Variants in ULK1 observed in about 807,000 individuals in gnomAD.
ULK1 encodes unc-51 like autophagy activating kinase 1, also known as serine/threonine-protein kinase ULK1.
In ULK1, 48 loss-of-function variants were observed where a neutral mutation model predicts 117.5. The ratio of observed to expected loss-of-function variants is 0.41; its 90% CI spans 0.32 to 0.52. The LOEUF (loss-of-function observed/expected upper bound fraction) is 0.52, where lower values mean the gene tolerates loss of function less well. Among genes scored for constraint, ULK1 ranks in the 20% least tolerant of loss-of-function variants. The probability of loss-of-function intolerance (pLI) is 0.29; values close to 1 mark genes in which losing one functional copy is unlikely to be tolerated. For synonymous variants in ULK1, 790 were observed against 637.8 expected (o/e 1.24, Z -3.60); for missense variants, 1,387 against 1,473.4 (o/e 0.94, Z 0.96).
intron 26 of ULK1, chr12:131,920,419 G>C (rs977101689): frequency 2.4e-6 from 1 of 410,134 alleles, no homozygotes; most frequent in Non-Finnish European, 4.5e-6. Context: ...TTCAGGCCTC[G>C]TAGTCAGGTG....
chr12:131,912,880 G>A (rs746929854), intron 13 of ULK1, among the ~76,000 whole-genome samples: 3 of 152,196 alleles, frequency 2.0e-5, no homozygotes, highest in Non-Finnish European at 4.4e-5. Flanking sequence ...GACCTCCCCC[G>A]CCCATCCTGG....
At chr12:131,916,912 G>C (rs754017068) in intron 20 of ULK1, 41 bp from the exon 21 acceptor site, 4 of 1,556,732 alleles carry the variant, frequency 2.6e-6, no homozygotes, top group Non-Finnish European at 3.5e-6. Context: ...GTTAGGGTGG[G>C]GTGGGCCGGG....
At position 131,915,783 on chromosome 12, in the gene ULK1, AGT is replaced by A; in HGVS notation, c.1610-106_1610-105del. On this transcript the variant is annotated intron_variant, in intron 18 of 27. Transcript: ENST00000321867. Reference sequence around the variant, plus strand: ...GACCCCGTCTCAACAAAAGAAAAAGAGTGGGGCCTTGGAGTGCGTCTACCCCA... The same window carrying A: ...GACCCCGTCTCAACAAAAGAAAAAGAGGGGCCTTGGAGTGCGTCTACCCCA... The A allele has an allele frequency of 2.7e-6, 4 of 1,455,072 alleles. No homozygotes were observed. The South Asian group carries it at 3.6e-5, about 13-fold the overall frequency. 90.1% of individuals were successfully genotyped at this position (1,455,072 alleles called of 1,614,324 possible).
At chr12:131,898,816 G>A (rs1888975472) in intron 3 of ULK1, among the ~76,000 whole-genome samples, 3 of 151,926 alleles carry the variant, frequency 2.0e-5, no homozygotes, top group Admixed American at 2.0e-4. Flanking sequence ...TTACATTGGT[G>A]ATGAATGAGC....
chr12:131,907,506 TG>T lies in ULK1; in HGVS notation c.295del (p.Asp99ThrfsTer12). 1 of 1,612,462 alleles carries T rather than the reference TG, an allele frequency of 6.2e-7. No homozygotes were observed. The highest frequency in any genetic ancestry group is 8.5e-7 in the Non-Finnish European group (1 of 1,179,682). On this transcript the variant is annotated frameshift_variant, in exon 5 of 28. Transcript: ENST00000321867. LOFTEE classifies it high-confidence loss of function. ...VYLVMEYCNGGDLADYLHAMR... is the reference protein window; with the variant it reads ...VYLVMEYCNGXDLADYLHAMR... ...CTGGTCTCTTGCAGTACTGCAACGG[TG>T]GGGACCTGGCCGACTACCTGCACGG...
At position 131,902,862 on chromosome 12, in the gene ULK1, C is replaced by T. The variant is rs982322993; in HGVS notation, c.247-4030C>T. On this transcript the variant is annotated intron_variant, in intron 3 of 27. Coordinates refer to ENST00000321867, the MANE Select transcript of ULK1 (RefSeq NM_003565.4). The surrounding 1 kb of genome is among the most constrained non-coding windows in gnomAD (Gnocchi z 6.3). ...GGAGCCCAGGGAGGCAGTTGTGGCC[C>T]TTTCTGGTGTCTTAACTGGGTGACT... 3.3e-5 allele frequency among the ~76,000 whole-genome samples: 5 copies of T among 152,148 alleles called. No homozygotes were observed. The highest frequency in any genetic ancestry group is 5.9e-5 in the Non-Finnish European group (4 of 68,016).
At chr12:131,919,020 CTGTGTGGGGTGTACGG>C (rs1168187192) in intron 23 of ULK1, among the ~76,000 whole-genome samples, 176 bp from the exon 24 acceptor site, 1 of 41,712 alleles carries the variant, frequency 2.4e-5, no homozygotes, top group Non-Finnish European at 5.2e-5. Flanking sequence ...GGGGTGTCGG[CTGTGTGGGGTGTACGG>C]TGTGTGGGGT....
rs753689487 is a variant in ULK1, at chr12:131,917,480, C to G, written c.2252C>G (p.Pro751Arg). ...ARAGGTSSPS[P>R]VVFTVGSPPS... is the part of the protein sequence containing the mutation. ...GCTGGGGGCACCAGCAGCCCTTCCC[C>G]GGTGGTCTTCACCGTGGGCTCTCCC... is the stretch of plus-strand genomic sequence containing the variant. Residue 751 changes from proline to arginine, a missense_variant, in exon 22 of 28, where the codon CCG becomes CGG. Coordinates refer to ENST00000321867, the MANE Select transcript of ULK1 (RefSeq NM_003565.4). 2.7e-6 allele frequency: 4 copies of G among 1,508,122 alleles called. No homozygotes were observed. The highest frequency in any genetic ancestry group is 3.5e-6 in the Non-Finnish European group (4 of 1,127,842). The allele number at this position is 1,508,122 out of a possible 1,614,324, so 93.4% of individuals were successfully genotyped here.
Position 131,902,821 on chromosome 12 carries a change from G to T in ULK1, c.247-4071G>T, listed in dbSNP as rs1007561616. Among the ~76,000 whole-genome samples the T allele has an allele frequency of 1.3e-5, 2 of 152,142 alleles. No individual in the cohort carries two copies. The highest frequency in any genetic ancestry group is 4.8e-5 in the African/African-American group (2 of 41,414). On this transcript the variant is annotated intron_variant, in intron 3 of 27. Transcript: ENST00000321867. This position sits in a 1 kb window ranked among gnomAD's most constrained non-coding sequence, Gnocchi z 6.3. ...GAGGCGAGCTGCTCTGCCTGGGGTG[G>T]CCGGTTTCCTCCCCTGGAGCCCAGG... is the stretch of plus-strand genomic sequence containing the variant.
rs1566121498 is a variant in ULK1, at chr12:131,912,051, A to G, written c.1058A>G (p.Asp353Gly). 6.2e-7 allele frequency: 1 copy of G among 1,612,796 alleles called. No individual in the cohort carries two copies. Among genetic ancestry groups the G allele is most frequent in the Non-Finnish European group, 8.5e-7 (1 of 1,179,930 alleles). Residue 353 changes from aspartate (D) to glycine (G), a missense_variant, in exon 13 of 28, where the codon GAC (aspartate) becomes GGC (glycine). This residue lies in a region of ULK1 where 260 missense variants were observed against 271.6 expected (regional missense o/e 0.96). Transcript: ENST00000321867. ...GGTGGCAGCAAGGACTCTTCCTGTG[A>G]CACAGACGACTTCGTCATGGTCCCC... ...DSGGSKDSSC[D>G]TDDFVMVPAQ...
intron 16 of ULK1, 104 bp from the exon 17 acceptor site, chr12:131,914,978 TG>T: frequency 1.4e-6 from 2 of 1,466,184 alleles, no homozygotes; most frequent in Non-Finnish European, 1.8e-6. Context: ...CCTGGGCTGC[TG>T]GGGCCTCCCC....
At chr12:131,896,204 G>C (rs539021613) in intron 3 of ULK1, among the ~76,000 whole-genome samples, 93 of 152,284 alleles carry the variant, frequency 6.1e-4, no homozygotes, top group Non-Finnish European at 6.2e-4. Flanking sequence ...TCCTGCGGCC[G>C]GCATTGGCCG....
chr12:131,905,441 C>T (rs753622337), intron 3 of ULK1, among the ~76,000 whole-genome samples: 3 of 152,036 alleles, frequency 2.0e-5, no homozygotes, highest in Non-Finnish European at 4.4e-5. Context: ...TCCTGCAGAC[C>T]CCCTCCAGAC....
At chr12:131,916,780 C>T (rs983648244) in intron 20 of ULK1, among the ~76,000 whole-genome samples, 173 bp from the exon 21 acceptor site, 7 of 152,160 alleles carry the variant, frequency 4.6e-5, no homozygotes, top group African/African-American at 9.7e-5. Context: ...CAGCAGGTCC[C>T]CGTCCTGAGC....
chr12:131,918,760 A>ATAGGGTGTTTGGGGTG lies in ULK1; in HGVS notation c.2511+87_2511+88insTTGGGGTGTAGGGTGT, dbSNP rs1566128864. 7.3e-5 allele frequency: 39 copies of ATAGGGTGTTTGGGGTG among 536,992 alleles called. No individual in the cohort carries two copies. In the African/African-American group the frequency reaches 1.2e-3, roughly 17 times the overall value. 33.3% of individuals were successfully genotyped at this position (536,992 alleles called of 1,614,324 possible). ...GTGTGGGGTGTCGGGTGTGTGGGGT[A>ATAGGGTGTTTGGGGTG]TAGGGTGTGTGGGGTGTCGGGTGTG... On this transcript the variant is annotated intron_variant, in intron 23 of 27. Transcript: ENST00000321867.
At position 131,914,330 on chromosome 12, in the gene ULK1, T is replaced by A. The variant is rs200201816; in HGVS notation, c.1248-22T>A. 50 of 1,605,966 alleles carry A rather than the reference T, an allele frequency of 3.1e-5. No homozygotes were observed. The Admixed American group carries it at 6.3e-4, about 20-fold the overall frequency. ...CTTGTGACCCCAGTGTCTGTCATGA[T>A]CCTGACCTCTCTCCACCACAGCCGG... On this transcript the variant is annotated intron_variant, in intron 15 of 27. Coordinates refer to ENST00000321867, the MANE Select transcript of ULK1 (RefSeq NM_003565.4).
intron 4 of ULK1, among the ~76,000 whole-genome samples, chr12:131,907,212 G>T (rs1889310684): frequency 6.6e-6 from 1 of 152,208 alleles, no homozygotes; most frequent in African/African-American, 2.4e-5. Flanking sequence ...TAGAGATGGG[G>T]TTTCGCCACG....
chr12:131,915,333 A>T lies in ULK1; in HGVS notation c.1523-2A>T. The T allele has an allele frequency of 6.2e-7, 1 of 1,612,678 alleles. No individual in the cohort carries two copies. Among genetic ancestry groups the T allele is most frequent in the Non-Finnish European group, 8.5e-7 (1 of 1,179,914 alleles). On this transcript the variant is annotated splice_acceptor_variant, in intron 17 of 27. Coordinates refer to ENST00000321867, the MANE Select transcript of ULK1 (RefSeq NM_003565.4). LOFTEE classifies it high-confidence loss of function. The stretch of plus-strand genomic sequence containing the variant: ...CCCTGACAGATCTCTCTTTTCCCCA[A>T]GTTGGAACCATCCCTGAGCGGCCAG...
At chr12:131,899,363 C>T (rs796761520) in intron 3 of ULK1, among the ~76,000 whole-genome samples, 1 of 152,122 alleles carries the variant, frequency 6.6e-6, no homozygotes, top group African/African-American at 2.4e-5. Context: ...TAATTTTGTA[C>T]TTTTAGTAGA....
Sources: gnomAD v4.1 joint callset for allele counts (sites outside exome capture counted in the v4.1 genomes callset) on GRCh38, gnomAD v4.1.1 for gene constraint, gnomAD v4.1.1 regional missense constraint, Gnocchi (gnomAD v3.1) non-coding constraint, MANE v1.5 for transcripts, NCBI Gene and HGNC (gene_info 2026-07-23, HGNC 2026-07-21) for gene names.